The following COLEC11 variants were observed in gnomAD, a reference collection of about 807,000 sequenced individuals.
COLEC11 encodes the protein collectin subfamily member 11.
COLEC11 carries 20 observed loss-of-function variants against 27.3 expected under a neutral mutation model. The observed-to-expected ratio is 0.73, with a 90% CI of 0.51 to 1.06. The LOEUF (loss-of-function observed/expected upper bound fraction) is 1.06. COLEC11 is among the 50% of genes least tolerant of loss of function. The pLI, the probability that COLEC11 is intolerant of heterozygous loss-of-function variation, is 0.00. For synonymous variants in COLEC11, 163 were observed against 154.7 expected (o/e 1.05, Z -0.40); for missense variants, 310 against 383.0 (o/e 0.81, Z 1.59).
chr2:3,643,577 C>T (rs771361140), intron 6 of COLEC11, 38 bp downstream of exon 6: 28 of 1,602,072 alleles, frequency 1.7e-5, no homozygotes, highest in Non-Finnish European at 7.7e-6. Context: ...TCCCTCCCAC[C>T]TCCCAGCCCT....
chr2:3,613,020 T>C (rs1209178748), intron 2 of COLEC11, among the ~76,000 whole-genome samples: 3 of 145,484 alleles, frequency 2.1e-5, no homozygotes, highest in South Asian at 2.1e-4. Context: ...GACGCGGCAC[T>C]GTGCACCCAG....
chr2:3,635,476 G>T (rs531640900), intron 3 of COLEC11, among the ~76,000 whole-genome samples: 1 of 152,242 alleles, frequency 6.6e-6, no homozygotes, highest in Non-Finnish European at 1.5e-5. Context: ...ATCTCCTGCA[G>T]CACGGAGATG....
chr2:3,600,997 C>T (rs1028304223), intron 1 of COLEC11, among the ~76,000 whole-genome samples: 15 of 152,164 alleles, frequency 9.9e-5, no homozygotes, highest in African/African-American at 3.6e-4. Context: ...TCAGAAGAGT[C>T]GGGAGCCCCC....
At chr2:3,643,299 A>T in intron 5 of COLEC11, 145 bp from the exon 6 acceptor site, 1 of 712,580 alleles carries the variant, frequency 1.4e-6, no homozygotes, top group East Asian at 2.7e-5. Flanking sequence ...CTTTAGGATG[A>T]AGTGGGTGAT....
In COLEC11 at chr2:3,606,335, C is replaced by A. The variant is rs1558489404; in HGVS notation, c.130+1865C>A. ...CCAGGTGCTGTTGGGAGGGTCCTTC[C>A]CAGCTGTCCACGTCCTGGGTCCCCT... is the stretch of plus-strand genomic sequence containing the variant. On this transcript the variant is annotated intron_variant, in intron 2 of 6. Coordinates refer to ENST00000349077, the MANE Select transcript of COLEC11 (RefSeq NM_024027.5). 7.1e-6 allele frequency: 8 copies of A among 1,121,148 alleles called. No homozygotes were observed. The East Asian group carries it at 2.1e-4, about 29-fold the overall frequency. The allele number at this position is 1,121,148 out of a possible 1,614,324, so 69.4% of individuals were successfully genotyped here. A position where few individuals can be genotyped will look rare whatever the true frequency, so the allele number is the denominator to read the frequency against.
intron 1 of COLEC11, among the ~76,000 whole-genome samples, chr2:3,597,246 G>A (rs575653978): frequency 1.3e-5 from 2 of 151,574 alleles, no homozygotes; most frequent in East Asian, 1.9e-4. Flanking sequence ...GTGAAGGCAC[G>A]AGAAATCCCA....
chr2:3,606,298 G>C (rs7561319), intron 2 of COLEC11: 1 of 1,471,570 alleles, frequency 6.8e-7, no homozygotes, highest in Non-Finnish European at 9.3e-7. Context: ...TCCTTTCTGG[G>C]CGCCGCCTTT....
chr2:3,598,759 G>A (rs983767980), intron 1 of COLEC11, among the ~76,000 whole-genome samples: 6 of 152,054 alleles, frequency 3.9e-5, no homozygotes, highest in East Asian at 1.9e-4. Flanking sequence ...CCGTGGGTGC[G>A]GGGTGTGGAG....
intron 4 of COLEC11, among the ~76,000 whole-genome samples, chr2:3,639,095 G>A (rs182993058): frequency 7.2e-5 from 11 of 152,342 alleles, no homozygotes; most frequent in African/African-American, 2.6e-4. Context: ...TTCACTTGGT[G>A]TAGTGTTTTC....
Position 3,617,627 on chromosome 2 carries a change from T to C in COLEC11, c.202+4245T>C, listed in dbSNP as rs73914515. On this transcript the variant is annotated intron_variant, in intron 3 of 6. Coordinates refer to ENST00000349077, the MANE Select transcript of COLEC11 (RefSeq NM_024027.5). Reference sequence around the variant, plus strand: ...ATTTTTCTCTTGAGTCTCTGTCTTCTTCAGTTTCGACTTATCGAATTTCTC... The same window carrying C: ...ATTTTTCTCTTGAGTCTCTGTCTTCCTCAGTTTCGACTTATCGAATTTCTC... The C allele has an allele frequency of 1.7e-3, 2,661 of 1,612,222 alleles. 22 individuals carry two copies. The African/African-American group carries it at 0.024, about 14-fold the overall frequency.
At chr2:3,604,125 C>A (rs1662445929) in intron 1 of COLEC11, 190 bp from the exon 2 acceptor site, 2 of 652,658 alleles carry the variant, frequency 3.1e-6, no homozygotes, top group African/African-American at 3.6e-5. Context: ...GACCCTGGGG[C>A]TGCTGTGGAA....
intron 3 of COLEC11, among the ~76,000 whole-genome samples, chr2:3,628,278 C>G (rs1664705438): frequency 6.6e-6 from 1 of 152,238 alleles, no homozygotes; most frequent in Non-Finnish European, 1.5e-5. Context: ...TTCTAGAGAG[C>G]TGGTCTGTGG....
intron 5 of COLEC11, among the ~76,000 whole-genome samples, chr2:3,642,265 G>A (rs10166017): frequency 0.05 from 7,626 of 152,246 alleles, 628 homozygotes; most frequent in African/African-American, 0.17. Context: ...TCCATGCCCC[G>A]TGGCTCTCAG....
At chr2:3,608,464 G>A (rs1662912317) in intron 2 of COLEC11, among the ~76,000 whole-genome samples, 1 of 152,174 alleles carries the variant, frequency 6.6e-6, no homozygotes, top group African/African-American at 2.4e-5. Flanking sequence ...CTGCTCTGGA[G>A]TCATTACCTG....
rs1043883100 is a variant in COLEC11, at chr2:3,602,561, C to G, written c.-26-1754C>G. On this transcript the variant is annotated intron_variant, in intron 1 of 6. Coordinates refer to ENST00000349077, the MANE Select transcript of COLEC11 (RefSeq NM_024027.5). This position sits in a 1 kb window ranked among gnomAD's most constrained non-coding sequence, Gnocchi z 6.2. ...GTGGGGTCCAGCTGCCATCCTCGCC[C>G]GCTGTGCTGTTGTGGTCACCCTGGC... is the stretch of plus-strand genomic sequence containing the variant. 6.6e-6 allele frequency among the ~76,000 whole-genome samples: 1 copy of G among 152,200 alleles called. No homozygotes were observed. Among genetic ancestry groups the G allele is most frequent in the African/African-American group, 2.4e-5 (1 of 41,444 alleles).
chr2:3,613,153 C>G (rs116529365), intron 2 of COLEC11, among the ~76,000 whole-genome samples, 158 bp from the exon 3 acceptor site: 3,606 of 152,210 alleles, frequency 0.024, 149 homozygotes, highest in African/African-American at 0.08. Flanking sequence ...CCCAGAGTAG[C>G]GGCTGGGCTG....
At chr2:3,637,412 C>T (rs1665503782) in intron 3 of COLEC11, 121 bp from the exon 4 acceptor site, 1 of 768,096 alleles carries the variant, frequency 1.3e-6, no homozygotes, top group East Asian at 2.5e-5. Context: ...CTTTCTTAGT[C>T]TCTTCTATGT....
intron 2 of COLEC11, among the ~76,000 whole-genome samples, chr2:3,612,598 G>T (rs1165183084): frequency 2.0e-5 from 3 of 152,202 alleles, no homozygotes; most frequent in African/African-American, 7.2e-5. Context: ...TTTCAGGACA[G>T]TCATTTTGGT....
rs1435678058 is a variant in COLEC11 at position 3,602,754 on chromosome 2, C to T, written c.-26-1561C>T. Reference sequence around the variant, plus strand: ...TGTCCTCTGTGCCCACCAGGCCAGCCCACCTCTCCCCGCACTGTCCGGCAT... The same window carrying T: ...TGTCCTCTGTGCCCACCAGGCCAGCTCACCTCTCCCCGCACTGTCCGGCAT... On this transcript the variant is annotated intron_variant, in intron 1 of 6. Transcript: ENST00000349077. This position sits in a 1 kb window ranked among gnomAD's most constrained non-coding sequence, Gnocchi z 6.2. Among the ~76,000 whole-genome samples, 2 of 152,340 alleles carry T rather than the reference C, an allele frequency of 1.3e-5. No homozygotes were observed. Among genetic ancestry groups the T allele is most frequent in the Middle Eastern group, 3.4e-3 (1 of 294 alleles).
Sources: allele counts gnomAD v4.1 joint callset (sites outside exome capture counted in the v4.1 genomes callset), GRCh38; gene constraint gnomAD v4.1.1; non-coding constraint Gnocchi (gnomAD v3.1); transcripts MANE v1.5; gene names NCBI Gene and HGNC (gene_info 2026-07-23, HGNC 2026-07-21).